Variants in DENND6A observed in about 807,000 individuals in gnomAD.
DENND6A encodes the protein DENN domain containing 6A.
A neutral mutation model predicts 95.5 loss-of-function variants in DENND6A; 43 were observed. The ratio of observed to expected loss-of-function variants is 0.45; its 90% CI spans 0.35 to 0.58. The LOEUF is 0.58. DENND6A is among the 20% of genes least tolerant of loss of function. DENND6A has a pLI of 0.00. For missense variants in DENND6A, 574 were observed against 736.0 expected (o/e 0.78, Z 2.55); for synonymous variants, 257 against 260.4 (o/e 0.99, Z 0.13).
intron 9 of DENND6A, among the ~76,000 whole-genome samples, chr3:57,653,066 A>G (rs2071243271): frequency 6.6e-6 from 1 of 152,186 alleles, no homozygotes; most frequent in South Asian, 2.1e-4. Context: ...AATAGACTCT[A>G]AAGTATTAAG....
intron 12 of DENND6A, among the ~76,000 whole-genome samples, chr3:57,637,211 C>A (rs2070814564): frequency 6.6e-6 from 1 of 152,178 alleles, no homozygotes; most frequent in African/African-American, 2.4e-5. Context: ...TTGATATTTA[C>A]CTGGTATGCA....
chr3:57,631,240 AG>A (rs961382550), intron 15 of DENND6A: 49 of 360,690 alleles, frequency 1.4e-4, no homozygotes, highest in African/African-American at 9.8e-4. Flanking sequence ...TCTGTTGCGC[AG>A]GCTGGAGTGC....
intron 9 of DENND6A, among the ~76,000 whole-genome samples, chr3:57,647,555 C>T (rs2071105085): frequency 6.6e-6 from 1 of 152,142 alleles, no homozygotes; most frequent in Non-Finnish European, 1.5e-5. Context: ...TTTCAGTTCA[C>T]AGAGCCCAGG....
At chr3:57,637,458 T>A (rs1161492035) in intron 12 of DENND6A, among the ~76,000 whole-genome samples, 6 of 152,152 alleles carry the variant, frequency 3.9e-5, no homozygotes, top group African/African-American at 1.2e-4. Flanking sequence ...GAGAGCAAAA[T>A]CTTAATTCTG....
At chr3:57,692,021 G>T (rs984110962) in intron 1 of DENND6A, among the ~76,000 whole-genome samples, 2 of 151,822 alleles carry the variant, frequency 1.3e-5, no homozygotes, top group African/African-American at 4.8e-5. Flanking sequence ...CACCTGAGTC[G>T]GGAGTTCGAG....
At chr3:57,645,138 T>C (rs893177684) in intron 11 of DENND6A, among the ~76,000 whole-genome samples, 1 of 152,164 alleles carries the variant, frequency 6.6e-6, no homozygotes, top group African/African-American at 2.4e-5. Flanking sequence ...ACCCAGTCGC[T>C]ATTAATGACA....
intron 5 of DENND6A, among the ~76,000 whole-genome samples, 162 bp from the exon 6 acceptor site, chr3:57,661,713 C>G (rs1026145628): frequency 1.3e-5 from 2 of 152,124 alleles, no homozygotes; most frequent in Admixed American, 6.6e-5. Context: ...CTGCAGAACA[C>G]AAAAAGTTTA....
At chr3:57,633,618 G>A (rs2153412244) in intron 14 of DENND6A, among the ~76,000 whole-genome samples, 1 of 152,180 alleles carries the variant, frequency 6.6e-6, no homozygotes, top group East Asian at 1.9e-4. Context: ...GCTGGGCACC[G>A]TGGCTCACGT....
intron 3 of DENND6A, among the ~76,000 whole-genome samples, chr3:57,667,910 A>G (rs1043686586): frequency 6.6e-6 from 1 of 152,036 alleles, no homozygotes; most frequent in South Asian, 2.1e-4. Flanking sequence ...TACTAAAAAT[A>G]TAAAAATTAG....
chr3:57,640,442 A>G (rs1465382337), intron 12 of DENND6A, among the ~76,000 whole-genome samples: 5 of 151,196 alleles, frequency 3.3e-5, no homozygotes, highest in African/African-American at 1.2e-4. Flanking sequence ...AAAATACAAA[A>G]ATTAGCCGGG....
chr3:57,677,390 T>C (rs1018589857), intron 1 of DENND6A, among the ~76,000 whole-genome samples: 2 of 151,768 alleles, frequency 1.3e-5, no homozygotes, highest in Non-Finnish European at 2.9e-5. Context: ...CTTTGTTTTC[T>C]TATGCCAGTT....
Position 57,628,164 on chromosome 3 carries a change from G to C in DENND6A, c.*50C>G. ...CTTTGTGCGTCTGGTTGAAATGTCA[G>C]TATGCTTCATGATGCATAATCCTTT... On this transcript the variant is annotated 3_prime_UTR_variant, in exon 20 of 20. Transcript: ENST00000311128. 6.3e-7 allele frequency: 1 copy of C among 1,584,228 alleles called. No individual in the cohort carries two copies.
chr3:57,631,815 T>C (rs1327133957), intron 15 of DENND6A, among the ~76,000 whole-genome samples: 2 of 143,468 alleles, frequency 1.4e-5, no homozygotes, highest in Non-Finnish European at 3.0e-5. Context: ...CTCTGCCTCT[T>C]GGGTTCATGC....
chr3:57,686,981 G>C (rs1237584641), intron 1 of DENND6A, among the ~76,000 whole-genome samples: 1 of 152,132 alleles, frequency 6.6e-6, no homozygotes, highest in Non-Finnish European at 1.5e-5. Context: ...TAGGCCTCTT[G>C]GACCAAACAG....
At chr3:57,658,103 G>A (rs923705243) in intron 8 of DENND6A, among the ~76,000 whole-genome samples, 1 of 152,006 alleles carries the variant, frequency 6.6e-6, no homozygotes, top group African/African-American at 2.4e-5. Flanking sequence ...AGGCATGGGG[G>A]CAGGCGCCTG....
intron 3 of DENND6A, among the ~76,000 whole-genome samples, chr3:57,667,287 T>C (rs1044805503): frequency 1.3e-5 from 2 of 152,112 alleles, no homozygotes; most frequent in African/African-American, 4.8e-5. Context: ...CCCAAAGTGC[T>C]AGGATTACAG....
At chr3:57,639,151 G>C (rs1441612578) in intron 12 of DENND6A, among the ~76,000 whole-genome samples, 1 of 152,102 alleles carries the variant, frequency 6.6e-6, no homozygotes. Context: ...AAAGATATAT[G>C]AATGAAAGGA....
At chr3:57,650,917 T>G (rs2071195893) in intron 9 of DENND6A, among the ~76,000 whole-genome samples, 1 of 152,016 alleles carries the variant, frequency 6.6e-6, no homozygotes, top group South Asian at 2.1e-4. Context: ...CCAGAGTAGC[T>G]GGGATTACAG....
At chr3:57,656,594 C>CT (rs11302760) in intron 9 of DENND6A, among the ~76,000 whole-genome samples, 14 of 148,670 alleles carry the variant, frequency 9.4e-5, no homozygotes, top group Admixed American at 2.0e-4. Context: ...ACTAACCAAT[C>CT]TTTTTTTTTT....
Sources: allele counts gnomAD v4.1 joint callset (sites outside exome capture counted in the v4.1 genomes callset), GRCh38; gene constraint gnomAD v4.1.1; transcripts MANE v1.5; gene names NCBI Gene and HGNC (gene_info 2026-07-23, HGNC 2026-07-21).